The following ARHGAP25 variants were observed in gnomAD, a reference collection of about 807,000 sequenced individuals.
ARHGAP25 encodes Rho GTPase activating protein 25, also known as rho GTPase-activating protein 25.
ARHGAP25 carries 34 observed loss-of-function variants against 71.0 expected under a neutral mutation model. That is an observed-to-expected ratio of 0.48 (90% CI 0.36 to 0.64). The LOEUF (loss-of-function observed/expected upper bound fraction) is 0.64. Ranked by LOEUF, ARHGAP25 falls within the 30% of genes least tolerant of loss-of-function variation. The probability of loss-of-function intolerance (pLI) is 0.00; values close to 1 mark genes in which losing one functional copy is unlikely to be tolerated. For missense variants in ARHGAP25, 706 were observed against 805.1 expected, an observed-to-expected ratio of 0.88 and a Z score of 1.49; for synonymous variants, 282 against 296.5, an observed-to-expected ratio of 0.95 and a Z score of 0.50.
intron 4 of ARHGAP25, among the ~76,000 whole-genome samples, chr2:68,799,713 T>C (rs1257769391): frequency 6.6e-6 from 1 of 151,882 alleles, no homozygotes; most frequent in East Asian, 1.9e-4. Flanking sequence ...GAGAGTCCTG[T>C]GTGTAAAGGT....
chr2:68,768,647 G>T (rs918458760), intron 1 of ARHGAP25, among the ~76,000 whole-genome samples: 1 of 152,152 alleles, frequency 6.6e-6, no homozygotes, highest in Non-Finnish European at 1.5e-5. Flanking sequence ...GAACGTCTAT[G>T]CAAATAACTT....
In ARHGAP25 at chr2:68,807,480, G is replaced by A. The variant is rs374860626; in HGVS notation, c.674G>A (p.Arg225Lys). ...GCTGGGGAGCGGCCCTCCTTTGACA[G>A]GTACATTGCCCCACTGCAGTGTCCC... is the stretch of plus-strand genomic sequence containing the variant. ...FDAGERPSFDRDTDVHTVASL... is the reference protein window; with the variant it reads ...FDAGERPSFDKDTDVHTVASL... Residue 225 changes from arginine to lysine, a missense_variant and splice_region_variant, in exon 5 of 11, where the codon AGA (arginine) becomes AAA (lysine). Transcript: ENST00000409202. 6.2e-7 allele frequency: 1 copy of A among 1,613,904 alleles called. No homozygotes were observed. The highest frequency in any genetic ancestry group is 1.1e-5 in the South Asian group (1 of 91,066).
intron 1 of ARHGAP25, among the ~76,000 whole-genome samples, chr2:68,765,803 C>T (rs1677088150): frequency 4.6e-5 from 7 of 152,160 alleles, no homozygotes; most frequent in Admixed American, 3.3e-4. Context: ...CCTGGGCCCA[C>T]CCCACTGCTA....
chr2:68,797,362 C>T (rs76143877), intron 4 of ARHGAP25, among the ~76,000 whole-genome samples: 2,626 of 152,272 alleles, frequency 0.017, 64 homozygotes, highest in African/African-American at 0.06. Flanking sequence ...TTTCGTCTCA[C>T]ACCCCAGTCC....
intron 4 of ARHGAP25, among the ~76,000 whole-genome samples, chr2:68,794,567 C>T (rs1679406800): frequency 6.6e-6 from 1 of 152,094 alleles, no homozygotes; most frequent in Non-Finnish European, 1.5e-5. Context: ...TGATGTATCA[C>T]ATTTATTGAT....
At chr2:68,749,591 C>A (rs745343553) in intron 1 of ARHGAP25, among the ~76,000 whole-genome samples, 9 of 152,192 alleles carry the variant, frequency 5.9e-5, no homozygotes, top group Admixed American at 4.6e-4. Context: ...AGAGCAGTCA[C>A]CCTGAGGCTA....
In ARHGAP25 at chr2:68,826,063, T is replaced by C. The variant is rs1253642936; in HGVS notation, c.1810T>C (p.Ser604Pro). 1 of 1,613,902 alleles carries C rather than the reference T, an allele frequency of 6.2e-7. No individual in the cohort carries two copies. Among genetic ancestry groups the C allele is most frequent in the Admixed American group, 1.7e-5 (1 of 60,016 alleles). Reference protein sequence around the residue: ...NEELEKEKKKSAALEISLRNM... With the variant: ...NEELEKEKKKPAALEISLRNM... ...AGAACTGGAGAAGGAAAAGAAGAAG[T>C]CTGCAGCCCTAGAGATCAGCCTCCG... Residue 604 changes from serine (S) to proline (P), a missense_variant, in exon 11 of 11, where the codon TCT becomes CCT. Ser to Pro is a moderately conservative substitution (Grantham distance 74, BLOSUM62 -1). Transcript: ENST00000409202.
chr2:68,719,075 C>T (rs1245494365), intron 2 of ARHGAP25, among the ~76,000 whole-genome samples: 1 of 152,148 alleles, frequency 6.6e-6, no homozygotes. Context: ...CCCAGCTCCA[C>T]AGGAATAGAA....
At chr2:68,728,987 C>T (rs1167609593) in intron 2 of ARHGAP25, among the ~76,000 whole-genome samples, 1 of 152,138 alleles carries the variant, frequency 6.6e-6, no homozygotes, top group Non-Finnish European at 1.5e-5. Flanking sequence ...GGGAAAGAAG[C>T]CGGTCACAAA....
chr2:68,734,641 T>A (rs4854501), upstream of ARHGAP25, among the ~76,000 whole-genome samples: 16 of 152,342 alleles, frequency 1.1e-4, no homozygotes, highest in East Asian at 1.2e-3. Flanking sequence ...TAATCTTTTA[T>A]AACAGAAGCA....
chr2:68,742,111 T>C (rs1675549416), intron 1 of ARHGAP25, among the ~76,000 whole-genome samples: 1 of 152,162 alleles, frequency 6.6e-6, no homozygotes, highest in South Asian at 2.1e-4. Flanking sequence ...CTGTCTCCTT[T>C]CCACGCCGTA....
At chr2:68,758,416 G>A (rs1197127294) in intron 1 of ARHGAP25, among the ~76,000 whole-genome samples, 8 of 151,590 alleles carry the variant, frequency 5.3e-5, no homozygotes, top group Admixed American at 3.9e-4. Context: ...AGATAGAGAA[G>A]GATATTTCAT....
chr2:68,787,201 G>C (rs879870934), intron 3 of ARHGAP25, among the ~76,000 whole-genome samples: 1 of 152,094 alleles, frequency 6.6e-6, no homozygotes, highest in African/African-American at 2.4e-5. Flanking sequence ...AACACCAACC[G>C]AGGAAACACT....
rs772939730 is a variant in ARHGAP25 at position 68,819,175 on chromosome 2, C to T, written c.1056C>T (p.Val352=). 8.7e-6 allele frequency: 14 copies of T among 1,602,744 alleles called. No homozygotes were observed. The highest frequency in any genetic ancestry group is 4.0e-5 in the African/African-American group (3 of 74,398). ...VMTMMIRDHE[V]LFPKSKDIPL... ...CTATGATGATCAGAGACCATGAAGTCCTCTTCCCCAAGTCCAAGGATATAC... is the reference window on the plus strand; with the variant it reads ...CTATGATGATCAGAGACCATGAAGTTCTCTTCCCCAAGTCCAAGGATATAC... The change falls in exon 9 of 11, where the codon GTC becomes GTT. Residue 352 remains valine (V), a synonymous_variant. Transcript: ENST00000409202.
intron 4 of ARHGAP25, among the ~76,000 whole-genome samples, chr2:68,797,182 C>G (rs998609440): frequency 1.3e-5 from 2 of 152,272 alleles, no homozygotes; most frequent in African/African-American, 4.8e-5. Flanking sequence ...TGTATTCAGG[C>G]CCTCCAATGG....
intron 10 of ARHGAP25, among the ~76,000 whole-genome samples, chr2:68,824,144 G>A (rs1035318681): frequency 2.6e-5 from 4 of 152,220 alleles, no homozygotes; most frequent in Non-Finnish European, 5.9e-5. Context: ...CCAATCATTT[G>A]TAGAATTAAA....
rs1242350356 is a variant in ARHGAP25, at chr2:68,767,622, G to A, written c.62-7599G>A. On this transcript the variant is annotated intron_variant, in intron 1 of 10. Coordinates refer to ENST00000409202, the MANE Select transcript of ARHGAP25 (RefSeq NM_001007231.3). The surrounding 1 kb of genome is among the most constrained non-coding windows in gnomAD (Gnocchi z 4.6). The stretch of plus-strand genomic sequence containing the variant: ...TCACTCTCTCTCCCTCCCATGCCTC[G>A]GCCACGTGGGACCTTGCTCAGAATC... Among the ~76,000 whole-genome samples, 4 of 152,140 alleles carry A rather than the reference G, an allele frequency of 2.6e-5. No homozygotes were observed. Among genetic ancestry groups the A allele is most frequent in the South Asian group, 2.1e-4 (1 of 4,814 alleles).
chr2:68,725,002 G>A (rs953182090), intron 2 of ARHGAP25, among the ~76,000 whole-genome samples: 2 of 152,128 alleles, frequency 1.3e-5, no homozygotes, highest in East Asian at 1.9e-4. Context: ...TCACCCCCAT[G>A]ACTGAATGGG....
At chr2:68,802,407 C>CAA (rs10688959) in intron 4 of ARHGAP25, among the ~76,000 whole-genome samples, 24,148 of 81,786 alleles carry the variant, frequency 0.3, 4,126 homozygotes, top group East Asian at 0.45. Context: ...GACTCCATCT[C>CAA]AAAAAAAAAA....
Sources: gnomAD v4.1 joint callset for allele counts (sites outside exome capture counted in the v4.1 genomes callset) on GRCh38, gnomAD v4.1.1 for gene constraint, Gnocchi (gnomAD v3.1) non-coding constraint, MANE v1.5 for transcripts, NCBI Gene and HGNC (gene_info 2026-07-23, HGNC 2026-07-21) for gene names.